The following GPC6 variants were observed in gnomAD, a reference collection of about 807,000 sequenced individuals.
The protein encoded by GPC6 is glypican 6, also known as glypican-6.
A neutral mutation model predicts 55.2 loss-of-function variants in GPC6; 14 were observed. The observed-to-expected ratio is 0.25, with a 90% confidence interval of 0.17 to 0.40. The LOEUF (loss-of-function observed/expected upper bound fraction) is 0.40, where lower values mean the gene tolerates loss of function less well. GPC6 is among the 10% of genes least tolerant of loss of function. The probability of loss-of-function intolerance (pLI) is 1.00; values close to 1 mark genes in which losing one functional copy is unlikely to be tolerated. For synonymous variants in GPC6, 278 were observed against 259.6 expected, an observed-to-expected ratio of 1.07 and a Z score of -0.68; for missense variants, 641 against 708.5, an observed-to-expected ratio of 0.90 and a Z score of 1.08.
chr13:93,990,577 C>T (rs967910969), intron 3 of GPC6, among the ~76,000 whole-genome samples: 2 of 152,076 alleles, frequency 1.3e-5, no homozygotes, highest in Admixed American at 6.6e-5. Context: ...CACAGTTGGG[C>T]TGGGTACAGT....
At chr13:94,040,033 T>C (rs1287168610) in intron 4 of GPC6, among the ~76,000 whole-genome samples, 2 of 151,896 alleles carry the variant, frequency 1.3e-5, no homozygotes, top group Non-Finnish European at 2.9e-5. Flanking sequence ...TTAATAATTA[T>C]ATTTATCATA....
At chr13:93,939,489 T>G (rs1878615083) in intron 3 of GPC6, among the ~76,000 whole-genome samples, 1 of 151,844 alleles carries the variant, frequency 6.6e-6, no homozygotes, top group Non-Finnish European at 1.5e-5. Flanking sequence ...ATCTCACTTG[T>G]TTGCATTTAT....
At chr13:94,226,019 C>G (rs1890546072) in intron 4 of GPC6, among the ~76,000 whole-genome samples, 1 of 152,112 alleles carries the variant, frequency 6.6e-6, no homozygotes, top group Admixed American at 6.6e-5. Flanking sequence ...GGTGACGGTT[C>G]CCTCTCCACA....
At chr13:94,051,115 A>G (rs1883933801) in intron 4 of GPC6, among the ~76,000 whole-genome samples, 1 of 152,162 alleles carries the variant, frequency 6.6e-6, no homozygotes, top group Non-Finnish European at 1.5e-5. Flanking sequence ...TCAAGGACTT[A>G]GAGCTCTGTA....
intron 1 of GPC6, among the ~76,000 whole-genome samples, chr13:93,416,517 T>G (rs907147286): frequency 1.3e-5 from 2 of 152,122 alleles, no homozygotes; most frequent in Non-Finnish European, 2.9e-5. Context: ...ATCCACCCCC[T>G]CAAGCCTTGA....
At chr13:93,601,685 C>T (rs183120950) in intron 2 of GPC6, among the ~76,000 whole-genome samples, 105 of 152,278 alleles carry the variant, frequency 6.9e-4, no homozygotes, top group South Asian at 6.2e-4. Context: ...GAGTACCTAC[C>T]ATGGGTAGCT....
At chr13:93,396,675 G>C (rs1261761775) in intron 1 of GPC6, among the ~76,000 whole-genome samples, 1 of 151,958 alleles carries the variant, frequency 6.6e-6, no homozygotes. Context: ...AAGGACAATG[G>C]TAAAGTTACC....
chr13:93,950,788 G>A (rs1258062653), intron 3 of GPC6, among the ~76,000 whole-genome samples: 1 of 152,080 alleles, frequency 6.6e-6, no homozygotes, highest in Admixed American at 6.6e-5. Flanking sequence ...TCTGAGGCTG[G>A]GAAATTTCTT....
chr13:93,959,013 G>A (rs1357552111), intron 3 of GPC6, among the ~76,000 whole-genome samples: 2 of 152,034 alleles, frequency 1.3e-5, no homozygotes, highest in African/African-American at 2.4e-5. Context: ...ACTGACTTTT[G>A]TACATTGATT....
intron 4 of GPC6, among the ~76,000 whole-genome samples, chr13:94,228,861 A>C (rs1431468115): frequency 6.6e-6 from 1 of 152,158 alleles, no homozygotes; most frequent in African/African-American, 2.4e-5. Context: ...GCTGTTAACA[A>C]GTGTGGGAGG....
intron 4 of GPC6, among the ~76,000 whole-genome samples, chr13:94,213,664 G>C (rs1185077656): frequency 6.6e-6 from 1 of 152,126 alleles, no homozygotes; most frequent in Non-Finnish European, 1.5e-5. Flanking sequence ...TCCCAGCCCC[G>C]GCTCATCCAC....
intron 1 of GPC6, among the ~76,000 whole-genome samples, chr13:93,417,655 A>G (rs1387156151): frequency 6.6e-6 from 1 of 152,102 alleles, no homozygotes; most frequent in Non-Finnish European, 1.5e-5. Flanking sequence ...AACAAAATCA[A>G]AGAGAGAAAG....
At chr13:93,549,190 AT>A (rs1432047888) in intron 2 of GPC6, among the ~76,000 whole-genome samples, 1 of 152,146 alleles carries the variant, frequency 6.6e-6, no homozygotes, top group Non-Finnish European at 1.5e-5. Flanking sequence ...GAATGATCAC[AT>A]TACTCCCTTC....
chr13:93,628,184 G>C (rs3764127), intron 2 of GPC6, among the ~76,000 whole-genome samples: 3,537 of 152,280 alleles, frequency 0.023, 68 homozygotes, highest in South Asian at 0.069. Context: ...AAGTGCCTTT[G>C]ATCAATTTAT....
At chr13:93,896,750 G>T (rs996684443) in intron 3 of GPC6, among the ~76,000 whole-genome samples, 1 of 151,836 alleles carries the variant, frequency 6.6e-6, no homozygotes, top group African/African-American at 2.4e-5. Flanking sequence ...TCTTACTCTC[G>T]CATCAGGTTC....
chr13:93,481,640 T>A (rs1594201104), intron 1 of GPC6, among the ~76,000 whole-genome samples: 1 of 24,238 alleles, frequency 4.1e-5, no homozygotes. Context: ...TCCAGCTTCA[T>A]TTTTTTTTTG....
At chr13:93,433,767 G>A (rs912196544) in intron 1 of GPC6, among the ~76,000 whole-genome samples, 3 of 152,120 alleles carry the variant, frequency 2.0e-5, no homozygotes, top group Non-Finnish European at 4.4e-5. Context: ...GGGGTTGGTG[G>A]AGGAAAACCG....
At chr13:94,171,838 G>A (rs1888578714) in intron 4 of GPC6, among the ~76,000 whole-genome samples, 1 of 152,154 alleles carries the variant, frequency 6.6e-6, no homozygotes, top group Non-Finnish European at 1.5e-5. Flanking sequence ...GATCTGGAAG[G>A]AAGGAATCCC....
intron 2 of GPC6, among the ~76,000 whole-genome samples, chr13:93,557,415 A>G (rs1357104582): frequency 6.6e-6 from 1 of 152,220 alleles, no homozygotes; most frequent in Non-Finnish European, 1.5e-5. Context: ...AAATAGGTTA[A>G]GGAAGTACTT....
Sources: gnomAD v4.1 joint callset for allele counts (sites outside exome capture counted in the v4.1 genomes callset) on GRCh38, gnomAD v4.1.1 for gene constraint, MANE v1.5 for transcripts, NCBI Gene and HGNC (gene_info 2026-07-23, HGNC 2026-07-21) for gene names.